MCPH1: variants seen among roughly 807,000 people sequenced by gnomAD.
MCPH1 encodes the protein microcephalin.
MCPH1 carries 104 observed loss-of-function variants against 84.5 expected under a neutral mutation model. The observed-to-expected ratio is 1.23, with a 90% CI of 1.05 to 1.45. The LOEUF (loss-of-function observed/expected upper bound fraction) is 1.45. MCPH1 is among the 40% of genes most tolerant of loss of function. MCPH1 has a pLI of 0.00. For synonymous variants in MCPH1, 514 were observed against 366.8 expected, an observed-to-expected ratio of 1.40 and a Z score of -4.58; for missense variants, 1,498 against 1,005.7, an observed-to-expected ratio of 1.49 and a Z score of -6.62.
chr8:6,555,925 T>A (rs1351344546), intron 12 of MCPH1, among the ~76,000 whole-genome samples: 1 of 152,154 alleles, frequency 6.6e-6, no homozygotes, highest in African/African-American at 2.4e-5. Flanking sequence ...AGCACCATCC[T>A]CACATAGAAG....
At chr8:6,497,298 C>A (rs1460383652) in intron 11 of MCPH1, among the ~76,000 whole-genome samples, 1 of 149,740 alleles carries the variant, frequency 6.7e-6, no homozygotes, top group Non-Finnish European at 1.5e-5. Context: ...CTGACCAACA[C>A]TGTGAAACCC....
chr8:6,454,679 TCATC>T (rs1372474567), intron 8 of MCPH1, among the ~76,000 whole-genome samples: 2 of 152,176 alleles, frequency 1.3e-5, no homozygotes, highest in South Asian at 2.1e-4. Flanking sequence ...AGTAAAATCA[TCATC>T]CATCATTTGT....
In MCPH1 at chr8:6,621,540, C is replaced by T; in HGVS notation, c.2301C>T (p.Ala767=). ...AGCCAGCGATGTTTGTCTCGCCTGC[C>T]AGCAGCCCCCCAGTGGCCAAGCTCT... ...ADQPAMFVSP[A]SSPPVAKLCE... Residue 767 remains alanine (A), a synonymous_variant, in exon 13 of 14, where the codon GCC becomes GCT. Transcript: ENST00000344683. 5.0e-6 allele frequency: 8 copies of T among 1,614,190 alleles called. No individual in the cohort carries two copies. Among genetic ancestry groups the T allele is most frequent in the South Asian group, 1.1e-5 (1 of 91,086 alleles).
rs768151237 is a variant in MCPH1, at chr8:6,414,754, T to C, written c.115-11T>C. 1 of 1,613,150 alleles carries C rather than the reference T, an allele frequency of 6.2e-7. No individual in the cohort carries two copies. On this transcript the variant is annotated splice_polypyrimidine_tract_variant and intron_variant, in intron 2 of 13. Coordinates refer to ENST00000344683, the MANE Select transcript of MCPH1 (RefSeq NM_024596.5). The stretch of plus-strand genomic sequence containing the variant: ...GTAATGTACATTTTGTTTTCTGCAT[T>C]TTGTCTACAGGTTTCAAAAACTTTT...
At chr8:6,624,857 C>T (rs1176627234) in intron 13 of MCPH1, 1 of 984,764 alleles carries the variant, frequency 1.0e-6, no homozygotes, top group Admixed American at 6.2e-5. Flanking sequence ...ATTCTCTAAC[C>T]AGAAACAAAT....
At chr8:6,609,121 A>G (rs1563183263) in intron 12 of MCPH1, among the ~76,000 whole-genome samples, 1 of 152,208 alleles carries the variant, frequency 6.6e-6, no homozygotes, top group African/African-American at 2.4e-5. Context: ...CACCTATCAG[A>G]CCATTTTTTA....
intron 12 of MCPH1, among the ~76,000 whole-genome samples, chr8:6,615,201 G>T (rs1257180265): frequency 2.0e-5 from 3 of 152,204 alleles, no homozygotes; most frequent in African/African-American, 7.2e-5. Context: ...AGGGGCTCCT[G>T]TGTGCTTTCC....
intron 9 of MCPH1, among the ~76,000 whole-genome samples, chr8:6,463,121 T>C (rs2916738): frequency 0.3 from 44,961 of 152,116 alleles, 9,071 homozygotes; most frequent in African/African-American, 0.55. Flanking sequence ...AAAAGCTCCT[T>C]CAGTGATTCT....
At chr8:6,632,248 T>C (rs1020543494) in intron 13 of MCPH1, among the ~76,000 whole-genome samples, 2 of 152,198 alleles carry the variant, frequency 1.3e-5, no homozygotes, top group African/African-American at 4.8e-5. Context: ...GAGAACATTC[T>C]AGAAATTAAT....
rs550078156 is a variant in MCPH1, at chr8:6,429,284, T to C, written c.234-2215T>C. On this transcript the variant is annotated intron_variant, in intron 3 of 13. Transcript: ENST00000344683. ...TCCAGAGCTTCTCAGGCTCCACTTA[T>C]GTGAACATGGACCCAGTGCCCCCAT... 8.5e-5 allele frequency among the ~76,000 whole-genome samples: 13 copies of C among 152,308 alleles called. No homozygotes were observed. The South Asian group carries it at 1.5e-3, about 17-fold the overall frequency.
intron 10 of MCPH1, among the ~76,000 whole-genome samples, chr8:6,479,402 C>CTATTTATT (rs149984870): frequency 0.011 from 1,550 of 140,292 alleles, 26 homozygotes; most frequent in African/African-American, 0.03. Flanking sequence ...ATTTCTTTTT[C>CTATTTATT]TATTTATTTA....
intron 12 of MCPH1, among the ~76,000 whole-genome samples, chr8:6,576,498 T>TCCCTTCCCCTTCCCATTC (rs1827111586): frequency 7.2e-6 from 1 of 139,712 alleles, no homozygotes; most frequent in Non-Finnish European, 1.5e-5. Flanking sequence ...CTTTTCCCTT[T>TCCCTTCCCCTTCCCATTC]CCCTTCCCCT....
At chr8:6,407,507 A>C in intron 1 of MCPH1, among the ~76,000 whole-genome samples, 1 of 152,124 alleles carries the variant, frequency 6.6e-6, no homozygotes, top group Non-Finnish European at 1.5e-5. Context: ...GGAAGAGCCC[A>C]GGAGAGGGGA....
At chr8:6,625,908 G>A in intron 13 of MCPH1, 1 of 985,298 alleles carries the variant, frequency 1.0e-6, no homozygotes, top group Non-Finnish European at 1.2e-6. Flanking sequence ...TAGCCACTAG[G>A]AACCTCTCTG....
At chr8:6,637,915 G>A (rs1199513233) in intron 13 of MCPH1, among the ~76,000 whole-genome samples, 2 of 152,128 alleles carry the variant, frequency 1.3e-5, no homozygotes, top group Admixed American at 6.5e-5. Flanking sequence ...AGGTGCACTC[G>A]CTGATACATT....
Position 6,444,714 on chromosome 8 carries a change from G to A in MCPH1, c.992G>A (p.Arg331His), listed in dbSNP as rs373336510. Residue 331 changes from arginine to histidine, a missense_variant, in exon 8 of 14, where the codon CGT (arginine) becomes CAT (histidine). Arg to His is a conservative substitution (Grantham distance 29, BLOSUM62 0). Transcript: ENST00000344683. ...CAGGAGACGTTTGAAGAGAAGTATC[G>A]TTTGTCTCCTACCTTATCTTCAACA... ...MSQETFEEKY[R>H]LSPTLSSTKG... 11 of 1,613,852 alleles carry A rather than the reference G, an allele frequency of 6.8e-6. No homozygotes were observed. In the East Asian group the frequency reaches 8.9e-5, roughly 13 times the overall value.
At chr8:6,565,967 G>C (rs1055957608) in intron 12 of MCPH1, among the ~76,000 whole-genome samples, 13 of 152,190 alleles carry the variant, frequency 8.5e-5, no homozygotes, top group Non-Finnish European at 1.5e-4. Context: ...AGCTCTAGTA[G>C]AGCCGGAGTT....
At chr8:6,413,753 C>G (rs528692293) in intron 2 of MCPH1, among the ~76,000 whole-genome samples, 2 of 144,902 alleles carry the variant, frequency 1.4e-5, no homozygotes, top group Non-Finnish European at 3.0e-5. Context: ...AATACAGTAT[C>G]TTTTTTTTTT....
At chr8:6,543,686 T>C (rs568768084) in intron 12 of MCPH1, among the ~76,000 whole-genome samples, 94 of 152,322 alleles carry the variant, frequency 6.2e-4, no homozygotes, top group Middle Eastern at 3.4e-3. Flanking sequence ...GTTCGTGCTT[T>C]TCTGAACTAT....
Sources: allele counts gnomAD v4.1 joint callset (sites outside exome capture counted in the v4.1 genomes callset), GRCh38; gene constraint gnomAD v4.1.1; transcripts MANE v1.5; gene names NCBI Gene and HGNC (gene_info 2026-07-23, HGNC 2026-07-21).